Variants in KCNMB4 observed in about 807,000 individuals in gnomAD.
KCNMB4 encodes the protein calcium-activated potassium channel subunit beta-4.
A neutral mutation model predicts 20.7 loss-of-function variants in KCNMB4; 3 were observed. That is an observed-to-expected ratio of 0.14 (90% CI 0.07 to 0.37). The LOEUF is 0.37. Among genes scored for constraint, KCNMB4 ranks in the 10% least tolerant of loss-of-function variants. The pLI, the probability that KCNMB4 is intolerant of heterozygous loss-of-function variation, is 1.00. For missense variants in KCNMB4, 168 were observed against 265.9 expected, an observed-to-expected ratio of 0.63 and a Z score of 2.56; for synonymous variants, 110 against 113.4, an observed-to-expected ratio of 0.97 and a Z score of 0.19.
Position 70,390,788 on chromosome 12 carries a change from T to C in KCNMB4, c.337-9421T>C, listed in dbSNP as rs531733399. Among the ~76,000 whole-genome samples, 11 of 152,332 alleles carry C rather than the reference T, an allele frequency of 7.2e-5. No individual in the cohort carries two copies. The South Asian group carries it at 2.3e-3, about 32-fold the overall frequency. On this transcript the variant is annotated intron_variant, in intron 1 of 2. Coordinates refer to ENST00000258111, the MANE Select transcript of KCNMB4 (RefSeq NM_014505.6). ...ACAATCGTGAAGAGAGTTCATGGAC[T>C]CCCTGGGCCTATTGTGACACTAACT...
chr12:70,424,875 G>T (rs943152214), intron 2 of KCNMB4, among the ~76,000 whole-genome samples: 1 of 152,158 alleles, frequency 6.6e-6, no homozygotes, highest in African/African-American at 2.4e-5. Flanking sequence ...AGACAAGCAC[G>T]CTCTGCTGCT....
At chr12:70,410,153 G>C (rs1159056762) in intron 2 of KCNMB4, among the ~76,000 whole-genome samples, 3 of 152,166 alleles carry the variant, frequency 2.0e-5, no homozygotes, top group Admixed American at 2.0e-4. Context: ...CTTTCTAGTG[G>C]CGTGGTCTTA....
At chr12:70,370,730 T>G (rs1883578011) in intron 1 of KCNMB4, among the ~76,000 whole-genome samples, 2 of 151,332 alleles carry the variant, frequency 1.3e-5, no homozygotes, top group Admixed American at 6.6e-5. Context: ...TGAACTTGAT[T>G]CCAGACATTT....
intron 2 of KCNMB4, among the ~76,000 whole-genome samples, chr12:70,428,483 T>G (rs977752980): frequency 6.6e-6 from 1 of 152,122 alleles, no homozygotes; most frequent in Non-Finnish European, 1.5e-5. Context: ...CCCTCACACT[T>G]AGGGAGAGGT....
intron 2 of KCNMB4, among the ~76,000 whole-genome samples, chr12:70,419,500 A>G (rs1265391360): frequency 6.6e-6 from 1 of 152,192 alleles, no homozygotes; most frequent in African/African-American, 2.4e-5. Context: ...TAAACCATGC[A>G]CTTGTTACCT....
At chr12:70,382,561 A>C (rs2136120330) in intron 1 of KCNMB4, among the ~76,000 whole-genome samples, 1 of 152,216 alleles carries the variant, frequency 6.6e-6, no homozygotes, top group African/African-American at 2.4e-5. Flanking sequence ...AGCTTTTCTA[A>C]ACATGTAGCA....
intron 2 of KCNMB4, among the ~76,000 whole-genome samples, chr12:70,414,720 A>G (rs1405804840): frequency 5.3e-5 from 8 of 152,186 alleles, no homozygotes; most frequent in Non-Finnish European, 1.0e-4. Flanking sequence ...TTGCTCTCCC[A>G]ACATTTGATT....
chr12:70,424,874 C>T (rs940145113), intron 2 of KCNMB4, among the ~76,000 whole-genome samples: 5 of 152,172 alleles, frequency 3.3e-5, no homozygotes, highest in Admixed American at 6.5e-5. Context: ...AAGACAAGCA[C>T]GCTCTGCTGC....
intron 2 of KCNMB4, among the ~76,000 whole-genome samples, chr12:70,412,373 T>TG (rs1158864908): frequency 6.6e-6 from 1 of 152,234 alleles, no homozygotes; most frequent in East Asian, 1.9e-4. Flanking sequence ...CTGGCACTCT[T>TG]GTGGAATAGC....
chr12:70,427,296 C>T (rs2136144383), intron 2 of KCNMB4, among the ~76,000 whole-genome samples: 1 of 152,272 alleles, frequency 6.6e-6, no homozygotes, highest in African/African-American at 2.4e-5. Context: ...TAAGGCACTA[C>T]AAGCCCAGTT....
intron 1 of KCNMB4, among the ~76,000 whole-genome samples, chr12:70,374,819 T>C (rs370644297): frequency 3.9e-5 from 6 of 152,262 alleles, no homozygotes; most frequent in African/African-American, 1.4e-4. Context: ...TAATGTCCAG[T>C]TTACTGGTTT....
intron 1 of KCNMB4, among the ~76,000 whole-genome samples, chr12:70,372,630 A>G (rs1210669837): frequency 6.6e-6 from 1 of 152,242 alleles, no homozygotes; most frequent in Non-Finnish European, 1.5e-5. Context: ...CTAAAGGAAT[A>G]GTAGGTCTGG....
chr12:70,431,096 TG>T lies in KCNMB4; in HGVS notation c.*444del, dbSNP rs1379519272. 4 of 152,242 alleles carry T rather than the reference TG, an allele frequency of 2.6e-5. No individual in the cohort carries two copies. Among genetic ancestry groups the T allele is most frequent in the Non-Finnish European group, 5.9e-5 (4 of 68,114 alleles). 9.4% of individuals were successfully genotyped at this position (152,242 alleles called of 1,614,324 possible). A position where few individuals can be genotyped will look rare whatever the true frequency, so the allele number is the denominator to read the frequency against. On this transcript the variant is annotated 3_prime_UTR_variant, in exon 3 of 3. Coordinates refer to ENST00000258111, the MANE Select transcript of KCNMB4 (RefSeq NM_014505.6). The stretch of plus-strand genomic sequence containing the variant: ...AAGGTGAGGACATCTGGGTCTCATT[TG>T]CTTCTGCTAGGTTAAACTTTTACTT...
At chr12:70,383,951 C>T (rs1332368202) in intron 1 of KCNMB4, among the ~76,000 whole-genome samples, 3 of 152,074 alleles carry the variant, frequency 2.0e-5, no homozygotes, top group Non-Finnish European at 4.4e-5. Context: ...CACCTATAAC[C>T]CCAGCTACTC....
chr12:70,392,955 C>T lies in KCNMB4; in HGVS notation c.337-7254C>T, dbSNP rs148281809. Among the ~76,000 whole-genome samples, 436 of 152,040 alleles carry T rather than the reference C, an allele frequency of 2.9e-3. 2 individuals carry two copies. Among genetic ancestry groups the T allele is most frequent in the African/African-American group, 0.01 (426 of 41,434 alleles). On this transcript the variant is annotated intron_variant, in intron 1 of 2. Transcript: ENST00000258111. ...ATGTAACAAACCTGCATGTTCTGCA[C>T]ATGTATCCCATAAAATATAATAAAA... is the stretch of plus-strand genomic sequence containing the variant.
chr12:70,376,068 A>G (rs1883679868), intron 1 of KCNMB4, among the ~76,000 whole-genome samples: 1 of 152,048 alleles, frequency 6.6e-6, no homozygotes, highest in Non-Finnish European at 1.5e-5. Flanking sequence ...GTAATAGATT[A>G]CTAGCATAAA....
chr12:70,369,242 T>C (rs1193637358), intron 1 of KCNMB4, among the ~76,000 whole-genome samples: 1 of 152,244 alleles, frequency 6.6e-6, no homozygotes, highest in Admixed American at 6.5e-5. Context: ...ACTGTAAGTT[T>C]GTTCTTTAGC....
intron 2 of KCNMB4, among the ~76,000 whole-genome samples, chr12:70,415,305 C>T (rs1260711507): frequency 6.6e-6 from 1 of 152,158 alleles, no homozygotes; most frequent in East Asian, 1.9e-4. Flanking sequence ...ATATGGTCTA[C>T]CTCCACACTG....
At chr12:70,430,442 G>A (rs1869332805) in intron 2 of KCNMB4, 43 bp from the exon 3 acceptor site, 3 of 1,603,686 alleles carry the variant, frequency 1.9e-6, no homozygotes, top group Middle Eastern at 1.6e-4. Context: ...CAGTGCCAAG[G>A]CATTTGACTG....
Sources: gnomAD v4.1 joint callset for allele counts (sites outside exome capture counted in the v4.1 genomes callset) on GRCh38, gnomAD v4.1.1 for gene constraint, MANE v1.5 for transcripts, NCBI Gene and HGNC (gene_info 2026-07-23, HGNC 2026-07-21) for gene names.